The following KCNIP3 variants were observed in gnomAD, a reference collection of about 807,000 sequenced individuals.
The protein encoded by KCNIP3 is potassium voltage-gated channel interacting protein 3.
KCNIP3 carries 28 observed loss-of-function variants against 35.0 expected under a neutral mutation model. The observed-to-expected ratio is 0.80, with a 90% CI of 0.59 to 1.10. The LOEUF (loss-of-function observed/expected upper bound fraction) is 1.10, where lower values mean the gene tolerates loss of function less well. Ranked by LOEUF, KCNIP3 falls within the 50% of genes least tolerant of loss-of-function variation. The pLI is 0.00. For missense variants in KCNIP3, 295 were observed against 338.4 expected (o/e 0.87, Z 1.01); for synonymous variants, 134 against 133.8 (o/e 1.00, Z -0.01).
chr2:95,332,380 G>A lies in KCNIP3; in HGVS notation c.181+21860G>A, dbSNP rs569408811. 3.3e-5 allele frequency among the ~76,000 whole-genome samples: 5 copies of A among 152,398 alleles called. No homozygotes were observed. In the East Asian group the frequency reaches 9.6e-4, roughly 29 times the overall value. ...TATAATACCAGCACTTTGGGAGGCTGAGGCGGGTGGATGACCTGAGGTCAG... is the reference window on the plus strand; with the variant it reads ...TATAATACCAGCACTTTGGGAGGCTAAGGCGGGTGGATGACCTGAGGTCAG... On this transcript the variant is annotated intron_variant, in intron 2 of 8. Transcript: ENST00000295225.
At chr2:95,331,191 G>C (rs1471385404) in intron 2 of KCNIP3, among the ~76,000 whole-genome samples, 1 of 152,190 alleles carries the variant, frequency 6.6e-6, no homozygotes, top group Non-Finnish European at 1.5e-5. Context: ...AGCGGAGGCG[G>C]GAGGGAGCAG....
intron 2 of KCNIP3, chr2:95,346,948 C>T: frequency 1.8e-6 from 2 of 1,107,866 alleles, no homozygotes; most frequent in Non-Finnish European, 2.5e-6. Context: ...TGCAGGGGCC[C>T]CGGTGCCTCC....
intron 2 of KCNIP3, among the ~76,000 whole-genome samples, chr2:95,326,882 G>T (rs891417649): frequency 6.6e-6 from 1 of 152,160 alleles, no homozygotes; most frequent in Non-Finnish European, 1.5e-5. Flanking sequence ...CCCTTCCTCG[G>T]CAGGGCACTC....
chr2:95,354,022 T>C (rs1365888165), intron 2 of KCNIP3, among the ~76,000 whole-genome samples: 1 of 152,218 alleles, frequency 6.6e-6, no homozygotes, highest in African/African-American at 2.4e-5. Context: ...TGGAGGATGC[T>C]GTTCTAAAAG....
chr2:95,306,741 G>T (rs1459268601), intron 1 of KCNIP3, among the ~76,000 whole-genome samples: 1 of 152,124 alleles, frequency 6.6e-6, no homozygotes, highest in African/African-American at 2.4e-5. Context: ...TCTAATTCAT[G>T]TTCCATCTCA....
In KCNIP3 at chr2:95,377,342, A is replaced by G. The variant is rs1327421331; in HGVS notation, c.447+2134A>G. On this transcript the variant is annotated intron_variant, in intron 5 of 8. Coordinates refer to ENST00000295225, the MANE Select transcript of KCNIP3 (RefSeq NM_013434.5). This position sits in a 1 kb window ranked among gnomAD's most constrained non-coding sequence, Gnocchi z 4.7. ...CCGCTTCTCTGTTACCTCCCCCGACAGTAAACTGCTCCATGTGCCAGTGGC... is the reference window on the plus strand; with the variant it reads ...CCGCTTCTCTGTTACCTCCCCCGACGGTAAACTGCTCCATGTGCCAGTGGC... Among the ~76,000 whole-genome samples the G allele has an allele frequency of 6.6e-6, 1 of 152,204 alleles. No homozygotes were observed. The highest frequency in any genetic ancestry group is 2.4e-5 in the African/African-American group (1 of 41,452).
rs1448666615 is a variant in KCNIP3, at chr2:95,382,685, T to A, written c.660+204T>A. Reference sequence around the variant, plus strand: ...ACTGCTCTGCCCTGTGGACCTCATCTGGGGGCCAGAGCTGGGGATCCTGAG... The same window carrying A: ...ACTGCTCTGCCCTGTGGACCTCATCAGGGGGCCAGAGCTGGGGATCCTGAG... On this transcript the variant is annotated intron_variant, in intron 7 of 8. Transcript: ENST00000295225. This position sits in a 1 kb window ranked among gnomAD's most constrained non-coding sequence, Gnocchi z 4.5. Among the ~76,000 whole-genome samples the A allele has an allele frequency of 1.3e-5, 2 of 152,194 alleles. No homozygotes were observed. Among genetic ancestry groups the A allele is most frequent in the African/African-American group, 4.8e-5 (2 of 41,456 alleles).
intron 2 of KCNIP3, among the ~76,000 whole-genome samples, chr2:95,340,421 C>T (rs544458075): frequency 5.3e-5 from 8 of 152,338 alleles, no homozygotes; most frequent in Admixed American, 5.2e-4. Flanking sequence ...GGCAACAATG[C>T]ACATCCACAC....
chr2:95,348,654 G>A (rs748515531), intron 2 of KCNIP3, among the ~76,000 whole-genome samples: 12 of 152,314 alleles, frequency 7.9e-5, no homozygotes, highest in South Asian at 2.1e-4. Context: ...TCTTTGCAAG[G>A]TGGACAGTAT....
At chr2:95,325,627 T>C (rs1487943326) in intron 2 of KCNIP3, among the ~76,000 whole-genome samples, 1 of 145,068 alleles carries the variant, frequency 6.9e-6, no homozygotes, top group Non-Finnish European at 1.5e-5. Context: ...ACACACACAC[T>C]CACACACACA....
intron 2 of KCNIP3, among the ~76,000 whole-genome samples, chr2:95,343,177 CG>C (rs1446147763): frequency 6.6e-6 from 1 of 151,720 alleles, no homozygotes. Context: ...ACAGGCTGGA[CG>C]GGGTGGGGAC....
chr2:95,355,404 G>A (rs1284273908), intron 2 of KCNIP3: 1 of 152,140 alleles, frequency 6.6e-6, no homozygotes, highest in South Asian at 2.1e-4. Flanking sequence ...GTGCAGGTTT[G>A]ATACATAGGT....
Position 95,381,646 on chromosome 2 carries a change from G to T in KCNIP3, c.498G>T (p.Lys166Asn), listed in dbSNP as rs747604194. ...SILLRGTVHE[K>N]LKWAFNLYDI... ...TGCTGCGGGGCACAGTCCACGAGAA[G>T]CTCAAGTGGGCCTTTAATCTCTACG... Residue 166 changes from lysine (K) to asparagine (N), a missense_variant, in exon 6 of 9, where the codon AAG becomes AAT. Coordinates refer to ENST00000295225, the MANE Select transcript of KCNIP3 (RefSeq NM_013434.5). The T allele has an allele frequency of 1.5e-5, 24 of 1,614,038 alleles. No homozygotes were observed. Among genetic ancestry groups the T allele is most frequent in the Non-Finnish European group, 1.9e-5 (23 of 1,180,008 alleles).
At chr2:95,310,554 G>A (rs1367141818) in intron 2 of KCNIP3, 34 bp downstream of exon 2, 1 of 1,604,428 alleles carries the variant, frequency 6.2e-7, no homozygotes, top group Admixed American at 1.7e-5. Context: ...TCAAGGGTGG[G>A]GGTGGGGAGA....
At chr2:95,349,826 C>T (rs979358229) in intron 2 of KCNIP3, among the ~76,000 whole-genome samples, 4 of 152,204 alleles carry the variant, frequency 2.6e-5, no homozygotes, top group East Asian at 1.9e-4. Flanking sequence ...AGCCTTGCTT[C>T]GGCAAGTGTG....
At chr2:95,349,687 A>G (rs1035064210) in intron 2 of KCNIP3, among the ~76,000 whole-genome samples, 2 of 152,246 alleles carry the variant, frequency 1.3e-5, no homozygotes, top group Non-Finnish European at 2.9e-5. Flanking sequence ...GCCAGAGGCC[A>G]GGCTAGCCTC....
rs138182369 is a variant in KCNIP3, at chr2:95,375,148, C to G, written c.387C>G (p.Thr129=). ...CCTTGCCCTCCCCAGATGCCACCAC[C>G]TATGCACACTTCCTCTTCAACGCCT... The part of the protein sequence containing the change: ...AQFFPQGDAT[T]YAHFLFNAFD... Residue 129 remains threonine (T), a synonymous_variant, in exon 5 of 9, where the codon ACC becomes ACG. Coordinates refer to ENST00000295225, the MANE Select transcript of KCNIP3 (RefSeq NM_013434.5). 6.2e-7 allele frequency: 1 copy of G among 1,614,212 alleles called. No individual in the cohort carries two copies. The highest frequency in any genetic ancestry group is 1.1e-5 in the South Asian group (1 of 91,086).
chr2:95,375,486 G>A (rs868420611), intron 5 of KCNIP3, among the ~76,000 whole-genome samples: 17 of 152,148 alleles, frequency 1.1e-4, no homozygotes, highest in African/African-American at 3.6e-4. Flanking sequence ...AGACACACAC[G>A]GGTGGTAGTG....
rs187919345 is a variant in KCNIP3, at chr2:95,341,446, G to T, written c.181+30926G>T. Among the ~76,000 whole-genome samples the T allele has an allele frequency of 8.5e-5, 13 of 152,264 alleles. No homozygotes were observed. In the East Asian group the frequency reaches 2.5e-3, roughly 29 times the overall value. ...AATGTGAGAATGGACTAATACAGAG[G>T]GCTTGGTCAATACTCTAAGGTCAAG... On this transcript the variant is annotated intron_variant, in intron 2 of 8. Transcript: ENST00000295225.
Sources: gnomAD v4.1 joint callset for allele counts (sites outside exome capture counted in the v4.1 genomes callset) on GRCh38, gnomAD v4.1.1 for gene constraint, Gnocchi (gnomAD v3.1) non-coding constraint, MANE v1.5 for transcripts, NCBI Gene and HGNC (gene_info 2026-07-23, HGNC 2026-07-21) for gene names.